The following MGMT variants were observed in gnomAD, a reference collection of about 807,000 sequenced individuals.
MGMT encodes the protein methylated-DNA--protein-cysteine methyltransferase.
Under a neutral mutation model 15.9 loss-of-function variants are expected in MGMT, and 14 were observed. The observed-to-expected ratio is 0.88, with a 90% CI of 0.58 to 1.37. The LOEUF (loss-of-function observed/expected upper bound fraction) is 1.37. MGMT is among the 40% of genes most tolerant of loss of function. The pLI, the probability that MGMT is intolerant of heterozygous loss-of-function variation, is 0.00. For synonymous variants in MGMT, 130 were observed against 118.2 expected, an observed-to-expected ratio of 1.10 and a Z score of -0.65; for missense variants, 282 against 268.1, an observed-to-expected ratio of 1.05 and a Z score of -0.36.
intron 2 of MGMT, among the ~76,000 whole-genome samples, chr10:129,543,057 T>G (rs867939052): frequency 1.3e-4 from 20 of 152,118 alleles, no homozygotes; most frequent in African/African-American, 4.8e-4. Flanking sequence ...GAAGCCAAGG[T>G]GTTTCTTTTC....
intron 2 of MGMT, chr10:129,701,109 A>C (rs1848093924): frequency 6.6e-6 from 1 of 152,178 alleles, no homozygotes; most frequent in African/African-American, 2.4e-5. Context: ...CGAGGCCACT[A>C]AAAGCTTTTC....
intron 1 of MGMT, among the ~76,000 whole-genome samples, chr10:129,525,907 T>TG (rs1160593242): frequency 6.6e-6 from 1 of 152,232 alleles, no homozygotes. Flanking sequence ...CAGGAGGCTT[T>TG]GGGGTGGCGT....
At chr10:129,719,580 C>T (rs1848344573) in intron 3 of MGMT, among the ~76,000 whole-genome samples, 1 of 152,184 alleles carries the variant, frequency 6.6e-6, no homozygotes, top group Admixed American at 6.5e-5. Context: ...GCTGCGTCCT[C>T]ACTAGGCCTT....
chr10:129,579,017 T>G (rs1846521021), intron 2 of MGMT, among the ~76,000 whole-genome samples: 1 of 152,230 alleles, frequency 6.6e-6, no homozygotes, highest in African/African-American at 2.4e-5. Context: ...CTGTGTACAT[T>G]AGATACGACT....
chr10:129,732,123 C>A (rs931282722), intron 3 of MGMT, among the ~76,000 whole-genome samples: 1 of 151,360 alleles, frequency 6.6e-6, no homozygotes, highest in Non-Finnish European at 1.5e-5. Flanking sequence ...ATATTACTCA[C>A]ATTGCCTGAT....
rs1846097662 is a variant in MGMT, at chr10:129,546,281, T to G, written c.125+9904T>G. ...AGTGGGCTGTTCCACACCTTGAGATTGGTGAATTCCTCAAGACAGCGGCTG... is the reference window on the plus strand; with the variant it reads ...AGTGGGCTGTTCCACACCTTGAGATGGGTGAATTCCTCAAGACAGCGGCTG... On this transcript the variant is annotated intron_variant, in intron 2 of 4. Transcript: ENST00000651593. Among the ~76,000 whole-genome samples the G allele has an allele frequency of 2.0e-5, 3 of 152,148 alleles. No homozygotes were observed. In the South Asian group the frequency reaches 6.2e-4, roughly 31 times the overall value.
At chr10:129,621,727 G>T (rs1482561579) in intron 2 of MGMT, among the ~76,000 whole-genome samples, 1 of 152,212 alleles carries the variant, frequency 6.6e-6, no homozygotes, top group African/African-American at 2.4e-5. Flanking sequence ...AATGTACTTT[G>T]ATTGTTTGTT....
intron 2 of MGMT, among the ~76,000 whole-genome samples, chr10:129,694,561 G>C (rs1333502476): frequency 6.6e-6 from 1 of 152,226 alleles, no homozygotes; most frequent in Non-Finnish European, 1.5e-5. Flanking sequence ...TAATTGGCTA[G>C]CTTCGAAGCT....
chr10:129,691,992 C>T (rs1326088636), intron 2 of MGMT, among the ~76,000 whole-genome samples: 1 of 152,198 alleles, frequency 6.6e-6, no homozygotes, highest in Non-Finnish European at 1.5e-5. Context: ...TCCAGATACT[C>T]ACCTCCTACC....
In MGMT at chr10:129,593,519, G is replaced by A. The variant is rs1015209118; in HGVS notation, c.125+57142G>A. On this transcript the variant is annotated intron_variant, in intron 2 of 4. Coordinates refer to ENST00000651593, the MANE Select transcript of MGMT (RefSeq NM_002412.5). ...TTATTTTTCTTTGAACTACGTCAAC[G>A]GAATTGCTTCGGATCCTTAGCCATT... Among the ~76,000 whole-genome samples the A allele has an allele frequency of 3.9e-5, 6 of 152,170 alleles. No homozygotes were observed. The East Asian group carries it at 5.8e-4, about 15-fold the overall frequency.
At chr10:129,743,995 AGAG>A (rs1848666526) in intron 3 of MGMT, among the ~76,000 whole-genome samples, 2 of 152,232 alleles carry the variant, frequency 1.3e-5, no homozygotes, top group South Asian at 2.1e-4. Flanking sequence ...TGGTGAGGAC[AGAG>A]GAGGACAGCC....
intron 3 of MGMT, among the ~76,000 whole-genome samples, chr10:129,711,637 TG>T (rs1848234150): frequency 6.6e-6 from 1 of 152,224 alleles, no homozygotes; most frequent in Admixed American, 6.5e-5. Context: ...TTTCTTGGTT[TG>T]GGGTTTTTTG....
intron 2 of MGMT, among the ~76,000 whole-genome samples, chr10:129,657,964 G>T (rs746372381): frequency 6.6e-6 from 1 of 152,098 alleles, no homozygotes; most frequent in Non-Finnish European, 1.5e-5. Flanking sequence ...GGAAATTCTC[G>T]TAAATGTATA....
At chr10:129,657,048 A>G (rs1043609963) in intron 2 of MGMT, among the ~76,000 whole-genome samples, 1 of 152,168 alleles carries the variant, frequency 6.6e-6, no homozygotes, top group African/African-American at 2.4e-5. Flanking sequence ...AGCTCTATGA[A>G]TTAGGCTAGG....
chr10:129,669,673 C>T (rs527746116), intron 2 of MGMT, among the ~76,000 whole-genome samples: 45 of 152,046 alleles, frequency 3.0e-4, no homozygotes, highest in African/African-American at 1.1e-3. Context: ...TTGTACTTGC[C>T]TTGGGATCCA....
intron 4 of MGMT, among the ~76,000 whole-genome samples, chr10:129,760,946 C>T (rs940345415): frequency 1.4e-4 from 21 of 152,294 alleles, no homozygotes; most frequent in African/African-American, 5.1e-4. Context: ...ACATCTGCAC[C>T]ACGCAGTAGG....
chr10:129,620,940 T>C (rs1474554013), intron 2 of MGMT, among the ~76,000 whole-genome samples: 1 of 152,202 alleles, frequency 6.6e-6, no homozygotes, highest in Non-Finnish European at 1.5e-5. Context: ...TATTGCGTTA[T>C]TAGTGCTACC....
chr10:129,761,354 G>A lies in MGMT; in HGVS notation c.414+2013G>A, dbSNP rs113493828. Among the ~76,000 whole-genome samples, 1,299 of 152,284 alleles carry A rather than the reference G, an allele frequency of 8.5e-3. 25 individuals carry two copies. Among genetic ancestry groups the A allele is most frequent in the African/African-American group, 0.029 (1,224 of 41,540 alleles). Reference sequence around the variant, plus strand: ...CCCCGTCAGCGGGCGCCGACTGCTCGCTCCCTTGTGTGTGCAGCTCCCCTT... The same window carrying A: ...CCCCGTCAGCGGGCGCCGACTGCTCACTCCCTTGTGTGTGCAGCTCCCCTT... On this transcript the variant is annotated intron_variant, in intron 4 of 4. Transcript: ENST00000651593.
chr10:129,534,187 C>T (rs558609455), intron 1 of MGMT, among the ~76,000 whole-genome samples: 23 of 152,286 alleles, frequency 1.5e-4, no homozygotes, highest in African/African-American at 5.1e-4. Context: ...ATTTGCACCC[C>T]CTGCCTTTAT....
Sources: gnomAD v4.1 joint callset for allele counts (sites outside exome capture counted in the v4.1 genomes callset) on GRCh38, gnomAD v4.1.1 for gene constraint, MANE v1.5 for transcripts, NCBI Gene and HGNC (gene_info 2026-07-23, HGNC 2026-07-21) for gene names.